Variants in FAF1 observed in about 807,000 individuals in gnomAD.
FAF1 encodes the protein FAS-associated factor 1.
In FAF1, 25 loss-of-function variants were observed where a neutral mutation model predicts 92.5. The observed-to-expected ratio is 0.27, with a 90% CI of 0.20 to 0.38. The LOEUF (loss-of-function observed/expected upper bound fraction) is 0.38, where lower values mean the gene tolerates loss of function less well. FAF1 is among the 10% of genes least tolerant of loss of function. The pLI is 1.00. For missense variants in FAF1, 636 were observed against 793.3 expected (o/e 0.80, Z 2.38); for synonymous variants, 234 against 273.2 (o/e 0.86, Z 1.42).
At chr1:50,601,367 C>T (rs984665084) in intron 8 of FAF1, among the ~76,000 whole-genome samples, 3 of 152,104 alleles carry the variant, frequency 2.0e-5, no homozygotes, top group Admixed American at 6.5e-5. Flanking sequence ...CTTAATACTT[C>T]TTTCTTTAAA....
intron 7 of FAF1, among the ~76,000 whole-genome samples, chr1:50,674,258 A>G (rs906598616): frequency 1.3e-5 from 2 of 150,638 alleles, no homozygotes; most frequent in African/African-American, 4.8e-5. Context: ...GCCCCAAGGC[A>G]ATTTTTTTTT....
rs1661489620 is a variant in FAF1 at position 50,789,468 on chromosome 1, T to C, written c.162-1263A>G. On this transcript the variant is annotated intron_variant, in intron 3 of 18. Transcript: ENST00000396153. ...ATCAACTCAATCCAGAAACCTGTGG[T>C]GTTATCCTTGATCCCTTCTTCTCTT... is the stretch of plus-strand genomic sequence containing the variant. Among the ~76,000 whole-genome samples, 3 of 152,190 alleles carry C rather than the reference T, an allele frequency of 2.0e-5. No homozygotes were observed. The South Asian group carries it at 6.2e-4, about 32-fold the overall frequency.
chr1:50,906,188 T>A (rs892799076), intron 1 of FAF1, among the ~76,000 whole-genome samples: 2 of 152,218 alleles, frequency 1.3e-5, no homozygotes, highest in Non-Finnish European at 2.9e-5. Flanking sequence ...CAGATGGTTG[T>A]AGATGTGTGG....
At chr1:50,746,212 T>C (rs1659579086) in intron 4 of FAF1, among the ~76,000 whole-genome samples, 1 of 133,364 alleles carries the variant, frequency 7.5e-6, no homozygotes, top group Admixed American at 8.1e-5. Flanking sequence ...TACCCTACGC[T>C]CGTATGTGTG....
intron 13 of FAF1, among the ~76,000 whole-genome samples, chr1:50,566,802 C>A (rs1346924318): frequency 6.6e-6 from 1 of 152,014 alleles, no homozygotes; most frequent in African/African-American, 2.4e-5. Flanking sequence ...AGTTCAAAAA[C>A]ATATTAGAAA....
chr1:50,755,074 A>G (rs1453508371), intron 4 of FAF1, among the ~76,000 whole-genome samples: 1 of 152,032 alleles, frequency 6.6e-6, no homozygotes, highest in Non-Finnish European at 1.5e-5. Context: ...ATGTCCTCAC[A>G]TTTCCAACCA....
intron 8 of FAF1, among the ~76,000 whole-genome samples, chr1:50,609,100 T>C (rs529894861): frequency 6.6e-6 from 1 of 152,288 alleles, no homozygotes; most frequent in South Asian, 2.1e-4. Context: ...ACAACCACAA[T>C]GTGTCAAGAC....
At chr1:50,706,714 T>C (rs1296966566) in intron 6 of FAF1, among the ~76,000 whole-genome samples, 1 of 152,220 alleles carries the variant, frequency 6.6e-6, no homozygotes, top group African/African-American at 2.4e-5. Context: ...AGAAATATTA[T>C]TTTCATCAGT....
chr1:50,751,996 G>T (rs1047090406), intron 4 of FAF1, among the ~76,000 whole-genome samples: 1 of 151,940 alleles, frequency 6.6e-6, no homozygotes, highest in Non-Finnish European at 1.5e-5. Flanking sequence ...TTGAGACACA[G>T]TCTCACTCTA....
intron 3 of FAF1, among the ~76,000 whole-genome samples, chr1:50,797,865 C>T (rs1661821508): frequency 6.6e-6 from 1 of 151,970 alleles, no homozygotes; most frequent in African/African-American, 2.4e-5. Flanking sequence ...AAAATAACAC[C>T]GATTTGGAAG....
intron 14 of FAF1, among the ~76,000 whole-genome samples, chr1:50,536,907 T>C (rs907453870): frequency 6.6e-6 from 1 of 152,192 alleles, no homozygotes; most frequent in African/African-American, 2.4e-5. Flanking sequence ...GTAAAGTATA[T>C]ACAAATCATT....
chr1:50,702,045 T>C (rs1355504152), intron 7 of FAF1, among the ~76,000 whole-genome samples: 1 of 152,250 alleles, frequency 6.6e-6, no homozygotes, highest in Middle Eastern at 3.4e-3. Context: ...GGGTCATGTG[T>C]ATATTCCTTA....
intron 4 of FAF1, among the ~76,000 whole-genome samples, chr1:50,774,656 T>C (rs936054073): frequency 2.6e-5 from 4 of 152,180 alleles, no homozygotes; most frequent in African/African-American, 9.6e-5. Context: ...CTATGCCTAC[T>C]AGGCTCCAGT....
intron 4 of FAF1, among the ~76,000 whole-genome samples, chr1:50,748,975 G>T (rs754995742): frequency 3.9e-5 from 6 of 152,186 alleles, no homozygotes; most frequent in Non-Finnish European, 5.9e-5. Flanking sequence ...TCCTTAAAAA[G>T]ATCCCTATCT....
chr1:50,450,798 G>C (rs1185158285), intron 18 of FAF1, among the ~76,000 whole-genome samples: 1 of 152,150 alleles, frequency 6.6e-6, no homozygotes, highest in Non-Finnish European at 1.5e-5. Flanking sequence ...TGCAACATAA[G>C]GGATTACAAT....
chr1:50,594,100 G>A (rs1174786015), intron 9 of FAF1, among the ~76,000 whole-genome samples: 1 of 151,940 alleles, frequency 6.6e-6, no homozygotes, highest in East Asian at 1.9e-4. Context: ...ATCATTTGAG[G>A]TCAGGAGTTC....
At chr1:50,606,996 C>A (rs1363277076) in intron 8 of FAF1, 4 of 152,072 alleles carry the variant, frequency 2.6e-5, no homozygotes, top group African/African-American at 9.7e-5. Flanking sequence ...AAAATAACAA[C>A]AACAAAAACA....
At chr1:50,917,970 T>C (rs1011678784) in intron 1 of FAF1, among the ~76,000 whole-genome samples, 1 of 152,100 alleles carries the variant, frequency 6.6e-6, no homozygotes, top group Non-Finnish European at 1.5e-5. Flanking sequence ...TCTACAATAA[T>C]AGAAATCAGA....
intron 2 of FAF1, among the ~76,000 whole-genome samples, chr1:50,854,804 T>A (rs1644378320): frequency 6.6e-6 from 1 of 151,968 alleles, no homozygotes; most frequent in South Asian, 2.1e-4. Context: ...ATCACCGTTT[T>A]TTTAGGAAGT....
Sources: gnomAD v4.1 joint callset for allele counts (sites outside exome capture counted in the v4.1 genomes callset) on GRCh38, gnomAD v4.1.1 for gene constraint, MANE v1.5 for transcripts, NCBI Gene and HGNC (gene_info 2026-07-23, HGNC 2026-07-21) for gene names.